NEGR1: variants seen among roughly 807,000 people sequenced by gnomAD.
The protein encoded by NEGR1 is IgLON family member 4.
Under a neutral mutation model 40.9 loss-of-function variants are expected in NEGR1, and 10 were observed. The observed-to-expected ratio is 0.24, with a 90% CI of 0.15 to 0.42. The LOEUF is 0.42. Ranked by LOEUF, NEGR1 falls within the 10% of genes least tolerant of loss-of-function variation. The pLI is 1.00. For missense variants in NEGR1, 352 were observed against 438.9 expected, an observed-to-expected ratio of 0.80 and a Z score of 1.77; for synonymous variants, 185 against 166.8, an observed-to-expected ratio of 1.11 and a Z score of -0.84.
intron 1 of NEGR1, among the ~76,000 whole-genome samples, 192 bp from the exon 2 acceptor site, chr1:71,935,503 G>A (rs930651276): frequency 1.3e-5 from 2 of 149,198 alleles, no homozygotes; most frequent in African/African-American, 5.0e-5. Flanking sequence ...CAATACTTGT[G>A]TACAGTTTTT....
chr1:72,058,950 G>A (rs549283109), intron 1 of NEGR1, among the ~76,000 whole-genome samples: 15 of 151,622 alleles, frequency 9.9e-5, no homozygotes, highest in African/African-American at 3.6e-4. Flanking sequence ...TTTCTATTGT[G>A]GGGATTGTAA....
At chr1:71,523,903 T>C (rs1226647899) in intron 6 of NEGR1, among the ~76,000 whole-genome samples, 1 of 151,874 alleles carries the variant, frequency 6.6e-6, no homozygotes, top group African/African-American at 2.4e-5. Context: ...AGCTCTGGGC[T>C]AGGAGGACTG....
At chr1:71,888,181 A>C (rs1181502099) in intron 2 of NEGR1, among the ~76,000 whole-genome samples, 1 of 152,148 alleles carries the variant, frequency 6.6e-6, no homozygotes, top group East Asian at 1.9e-4. Flanking sequence ...TAGAAAAAGA[A>C]ACTGATTTAG....
chr1:72,104,743 A>G (rs1201429085), intron 1 of NEGR1, among the ~76,000 whole-genome samples: 1 of 152,050 alleles, frequency 6.6e-6, no homozygotes, highest in Non-Finnish European at 1.5e-5. Flanking sequence ...AAATTGTCCG[A>G]TTTAGTTTTA....
At chr1:72,086,207 A>C (rs1356492888) in intron 1 of NEGR1, among the ~76,000 whole-genome samples, 1 of 152,178 alleles carries the variant, frequency 6.6e-6, no homozygotes, top group Non-Finnish European at 1.5e-5. Flanking sequence ...TAGTGACACT[A>C]ATCATGACTC....
At chr1:71,680,340 TAAA>T (rs950272509) in intron 4 of NEGR1, among the ~76,000 whole-genome samples, 1 of 152,102 alleles carries the variant, frequency 6.6e-6, no homozygotes, top group Non-Finnish European at 1.5e-5. Flanking sequence ...TTGAGACTGT[TAAA>T]GAAATTATTT....
chr1:71,767,041 T>C (rs1175548976), intron 3 of NEGR1, among the ~76,000 whole-genome samples: 1 of 152,198 alleles, frequency 6.6e-6, no homozygotes, highest in Non-Finnish European at 1.5e-5. Flanking sequence ...TTGTAAATTA[T>C]GCAGTCTCGG....
chr1:71,566,314 C>T (rs1336833282), intron 6 of NEGR1, among the ~76,000 whole-genome samples: 1 of 152,004 alleles, frequency 6.6e-6, no homozygotes, highest in African/African-American at 2.4e-5. Context: ...AATATATCAA[C>T]AAACTAGGGT....
intron 1 of NEGR1, among the ~76,000 whole-genome samples, chr1:72,169,750 C>T (rs1651893677): frequency 6.6e-6 from 1 of 152,126 alleles, no homozygotes; most frequent in African/African-American, 2.4e-5. Flanking sequence ...GTTTTTAACA[C>T]AAAATTATGT....
chr1:71,897,638 T>C (rs1481905538), intron 2 of NEGR1, among the ~76,000 whole-genome samples: 4 of 152,232 alleles, frequency 2.6e-5, no homozygotes, highest in Non-Finnish European at 4.4e-5. Flanking sequence ...AAATATAGAA[T>C]GAATTTACTG....
At chr1:71,860,902 A>T (rs557759751) in intron 2 of NEGR1, among the ~76,000 whole-genome samples, 14 of 152,170 alleles carry the variant, frequency 9.2e-5, no homozygotes, top group African/African-American at 3.1e-4. Flanking sequence ...ATAGAATAGC[A>T]CATCTACATA....
chr1:71,721,459 C>G (rs552559550), intron 3 of NEGR1, among the ~76,000 whole-genome samples: 1 of 148,340 alleles, frequency 6.7e-6, no homozygotes, highest in African/African-American at 2.4e-5. Context: ...TCCAAGGTCC[C>G]TGTTCTCATT....
chr1:71,573,434 CA>C (rs1205037802), intron 6 of NEGR1: 2 of 152,472 alleles, frequency 1.3e-5, no homozygotes, highest in East Asian at 3.9e-4. Flanking sequence ...GGTCACCAAG[CA>C]ACCTTCTCAT....
chr1:72,121,771 A>G (rs1022485129), intron 1 of NEGR1, among the ~76,000 whole-genome samples: 1 of 152,114 alleles, frequency 6.6e-6, no homozygotes, highest in African/African-American at 2.4e-5. Context: ...GTTTAAATAG[A>G]GTCGATATAC....
intron 4 of NEGR1, among the ~76,000 whole-genome samples, chr1:71,666,359 C>A (rs1331755362): frequency 2.0e-5 from 3 of 152,082 alleles, no homozygotes; most frequent in African/African-American, 4.8e-5. Flanking sequence ...GCTAAGAAGG[C>A]CCTTGGTTGT....
At chr1:71,559,005 T>TTC (rs1348481468) in intron 6 of NEGR1, among the ~76,000 whole-genome samples, 7 of 81,494 alleles carry the variant, frequency 8.6e-5, no homozygotes, top group East Asian at 3.1e-4. Flanking sequence ...TTTATTTATC[T>TTC]TCTCTGTGTG....
At chr1:72,064,681 C>T (rs975983055) in intron 1 of NEGR1, among the ~76,000 whole-genome samples, 3 of 151,990 alleles carry the variant, frequency 2.0e-5, no homozygotes, top group Non-Finnish European at 2.9e-5. Flanking sequence ...TACACTGCAA[C>T]CATTAATCAT....
chr1:71,883,499 G>C (rs1660636557), intron 2 of NEGR1, among the ~76,000 whole-genome samples: 1 of 152,112 alleles, frequency 6.6e-6, no homozygotes, highest in Non-Finnish European at 1.5e-5. Flanking sequence ...TTTGAGAAGA[G>C]ATAGAGTCTA....
At chr1:71,466,913 A>G (rs1189960551) in intron 6 of NEGR1, among the ~76,000 whole-genome samples, 1 of 152,126 alleles carries the variant, frequency 6.6e-6, no homozygotes, top group East Asian at 1.9e-4. Context: ...TTCAGAGAGC[A>G]TTTCACAGAA....
Sources: gnomAD v4.1 joint callset for allele counts (sites outside exome capture counted in the v4.1 genomes callset) on GRCh38, gnomAD v4.1.1 for gene constraint, MANE v1.5 for transcripts, NCBI Gene and HGNC (gene_info 2026-07-23, HGNC 2026-07-21) for gene names.